Variants in FMN1 observed in about 807,000 individuals in gnomAD.
FMN1 encodes formin-1.
A neutral mutation model predicts 132.4 loss-of-function variants in FMN1; 110 were observed. The observed-to-expected ratio is 0.83, with a 90% CI of 0.71 to 0.97. FMN1 has a LOEUF of 0.97. Among genes scored for constraint, FMN1 ranks in the 50% least tolerant of loss-of-function variants. FMN1 has a pLI of 0.00. For missense variants in FMN1, 1,792 were observed against 1,705.3 expected, an observed-to-expected ratio of 1.05 and a Z score of -0.90; for synonymous variants, 722 against 651.7, an observed-to-expected ratio of 1.11 and a Z score of -1.64.
chr15:33,052,121 C>T (rs1360987372), intron 6 of FMN1, among the ~76,000 whole-genome samples: 1 of 152,160 alleles, frequency 6.6e-6, no homozygotes, highest in Non-Finnish European at 1.5e-5. Context: ...ATCTATTTCT[C>T]TGTAATAAGG....
intron 16 of FMN1, among the ~76,000 whole-genome samples, chr15:32,858,046 T>G (rs1212689442): frequency 1.3e-5 from 2 of 152,236 alleles, no homozygotes; most frequent in Admixed American, 6.5e-5. Flanking sequence ...AATAAAGCAC[T>G]GGATTTCACC....
intron 4 of FMN1, among the ~76,000 whole-genome samples, chr15:33,120,482 T>C (rs1962445935): frequency 6.6e-6 from 1 of 152,178 alleles, no homozygotes; most frequent in Non-Finnish European, 1.5e-5. Context: ...TGCATGTTTA[T>C]TGGTGGACAT....
chr15:33,054,878 G>A (rs1328266690), intron 6 of FMN1, among the ~76,000 whole-genome samples: 1 of 152,194 alleles, frequency 6.6e-6, no homozygotes, highest in East Asian at 1.9e-4. Context: ...AAAGAGCTGA[G>A]AGTAACCAAG....
intron 6 of FMN1, among the ~76,000 whole-genome samples, chr15:33,061,083 G>A (rs1214208609): frequency 6.6e-6 from 1 of 152,150 alleles, no homozygotes; most frequent in Non-Finnish European, 1.5e-5. Flanking sequence ...TGTGGGGTGG[G>A]GTAGAGGACC....
chr15:33,147,843 T>C (rs1964288461), intron 4 of FMN1, among the ~76,000 whole-genome samples: 1 of 152,240 alleles, frequency 6.6e-6, no homozygotes, highest in African/African-American at 2.4e-5. Context: ...AGGCACTCTT[T>C]AAAATTCTCT....
chr15:32,785,399 T>G (rs2140914559), intron 19 of FMN1, among the ~76,000 whole-genome samples: 2 of 151,300 alleles, frequency 1.3e-5, no homozygotes, highest in South Asian at 4.2e-4. Context: ...GAATTTAGGC[T>G]GATGACTGGC....
chr15:33,172,461 T>A (rs1020829139), intron 3 of FMN1, among the ~76,000 whole-genome samples: 1 of 152,212 alleles, frequency 6.6e-6, no homozygotes, highest in Non-Finnish European at 1.5e-5. Flanking sequence ...GAGAGTGTTA[T>A]GTGGCTCTTC....
intron 4 of FMN1, among the ~76,000 whole-genome samples, chr15:33,112,381 G>C (rs1183023430): frequency 6.6e-6 from 1 of 152,122 alleles, no homozygotes; most frequent in Non-Finnish European, 1.5e-5. Context: ...TTGGATTATA[G>C]AAGATTTTGT....
chr15:33,079,104 A>AT (rs2038345954), intron 5 of FMN1, among the ~76,000 whole-genome samples: 1 of 152,186 alleles, frequency 6.6e-6, no homozygotes, highest in Non-Finnish European at 1.5e-5. Context: ...ATTCAGTTCT[A>AT]TTCTGTGATC....
intron 5 of FMN1, among the ~76,000 whole-genome samples, chr15:33,073,757 G>C (rs1595410610): frequency 6.7e-6 from 1 of 150,018 alleles, no homozygotes; most frequent in South Asian, 2.1e-4. Context: ...TTGAGACAGG[G>C]TCTCACTGCG....
chr15:32,776,718 C>A, intron 20 of FMN1, 117 bp downstream of exon 20: 6 of 528,658 alleles, frequency 1.1e-5, no homozygotes, highest in Non-Finnish European at 1.3e-5. Context: ...CCATATGCTA[C>A]TCTGGGATGG....
intron 4 of FMN1, among the ~76,000 whole-genome samples, chr15:33,090,483 A>G (rs1326013066): frequency 6.6e-6 from 1 of 152,152 alleles, no homozygotes; most frequent in Non-Finnish European, 1.5e-5. Flanking sequence ...GTGTGTCTAT[A>G]GTTGCCCTCT....
In FMN1 at chr15:32,900,237, A is replaced by G; in HGVS notation, c.3508-112T>C. On this transcript the variant is annotated intron_variant, in intron 13 of 20. Coordinates refer to ENST00000616417, the MANE Select transcript of FMN1 (RefSeq NM_001277313.2). ...TAGGCTGTCGGGAGGCTTGGTACCA[A>G]CAGAATTAACAGTTGCTGAAATGAA... The G allele has an allele frequency of 4.6e-6, 5 of 1,087,630 alleles. No homozygotes were observed. The South Asian group carries it at 6.4e-5, about 14-fold the overall frequency. 67.4% of individuals were successfully genotyped at this position (1,087,630 alleles called of 1,614,324 possible).
chr15:32,916,923 T>C (rs1233500812), intron 10 of FMN1, among the ~76,000 whole-genome samples: 1 of 152,134 alleles, frequency 6.6e-6, no homozygotes, highest in Non-Finnish European at 1.5e-5. Context: ...ACTTGGTTTT[T>C]TGAAACTCTC....
At chr15:33,128,458 A>G (rs1963336370) in intron 4 of FMN1, among the ~76,000 whole-genome samples, 1 of 152,190 alleles carries the variant, frequency 6.6e-6, no homozygotes, top group Admixed American at 6.5e-5. Flanking sequence ...TTCCTATGAC[A>G]TTGCAAGGTC....
chr15:33,068,006 T>C, intron 5 of FMN1: 1 of 1,456,652 alleles, frequency 6.9e-7, no homozygotes, highest in South Asian at 1.5e-5. Flanking sequence ...GGAGTCAGGC[T>C]GTCAGCCGCA....
intron 17 of FMN1, among the ~76,000 whole-genome samples, chr15:32,855,685 T>A (rs1360512749): frequency 2.6e-5 from 4 of 152,148 alleles, no homozygotes; most frequent in Non-Finnish European, 4.4e-5. Flanking sequence ...CAATTAAAAA[T>A]AAAGATGGAA....
At chr15:32,792,459 C>CA (rs11453159) in intron 19 of FMN1, among the ~76,000 whole-genome samples, 28,326 of 136,646 alleles carry the variant, frequency 0.21, 3,341 homozygotes, top group Admixed American at 0.3. Context: ...CAAAATAAAA[C>CA]AAACAAACAA....
intron 4 of FMN1, among the ~76,000 whole-genome samples, chr15:33,128,310 G>A (rs377761489): frequency 6.6e-6 from 1 of 152,092 alleles, no homozygotes; most frequent in Admixed American, 6.5e-5. Flanking sequence ...TGCTGACTAG[G>A]CCCGACCATC....
Sources: gnomAD v4.1 joint callset for allele counts (sites outside exome capture counted in the v4.1 genomes callset) on GRCh38, gnomAD v4.1.1 for gene constraint, MANE v1.5 for transcripts, NCBI Gene and HGNC (gene_info 2026-07-23, HGNC 2026-07-21) for gene names.